Variants in PGM2L1 observed in about 807,000 individuals in gnomAD.
PGM2L1 encodes the protein phosphoglucomutase 2 like 1, also known as glucose 1,6-bisphosphate synthase.
A neutral mutation model predicts 73.4 loss-of-function variants in PGM2L1; 35 were observed. That is an observed-to-expected ratio of 0.48 (90% CI 0.36 to 0.63). PGM2L1 has a LOEUF of 0.63. Among genes scored for constraint, PGM2L1 ranks in the 30% least tolerant of loss-of-function variants. The pLI, the probability that PGM2L1 is intolerant of heterozygous loss-of-function variation, is 0.00. For synonymous variants in PGM2L1, 225 were observed against 253.8 expected, an observed-to-expected ratio of 0.89 and a Z score of 1.08; for missense variants, 570 against 742.0, an observed-to-expected ratio of 0.77 and a Z score of 2.69.
At chr11:74,357,825 G>A (rs1334297305) in intron 5 of PGM2L1, among the ~76,000 whole-genome samples, 1 of 152,172 alleles carries the variant, frequency 6.6e-6, no homozygotes, top group Non-Finnish European at 1.5e-5. Flanking sequence ...ACCTCCAGAC[G>A]ATGGAATATT....
At chr11:74,346,396 A>G (rs1400325427) in intron 8 of PGM2L1, among the ~76,000 whole-genome samples, 1 of 152,058 alleles carries the variant, frequency 6.6e-6, no homozygotes, top group Non-Finnish European at 1.5e-5. Context: ...AAAAATGTAT[A>G]AAGTCAGGGG....
chr11:74,374,315 C>T, intron 2 of PGM2L1, 100 bp downstream of exon 2: 1 of 1,006,430 alleles, frequency 9.9e-7, no homozygotes, highest in East Asian at 2.6e-5. Context: ...ATCTCTGGAC[C>T]TCGTGATCTG....
At chr11:74,355,459 C>G in intron 5 of PGM2L1, 1 of 384,670 alleles carries the variant, frequency 2.6e-6, no homozygotes, top group South Asian at 2.1e-5. Flanking sequence ...GAGGCTGAGG[C>G]AGGAGAATGG....
In PGM2L1 at chr11:74,359,850, T is replaced by C. The variant is rs529533240; in HGVS notation, c.556-8274A>G. ...CAGAGATGGGACAGATACTTTCTAC[T>C]GTTTCACTTTTTAACCTTGTGCTTA... On this transcript the variant is annotated intron_variant, in intron 5 of 13. Transcript: ENST00000298198. 2.6e-5 allele frequency among the ~76,000 whole-genome samples: 4 copies of C among 152,364 alleles called. No homozygotes were observed. The South Asian group carries it at 6.2e-4, about 24-fold the overall frequency.
Position 74,368,660 on chromosome 11 carries a change from G to C in PGM2L1, c.472-85C>G. On this transcript the variant is annotated intron_variant, in intron 4 of 13. Transcript: ENST00000298198. Reference sequence around the variant, plus strand: ...TGAGAATAATTTTGATTAAATAACAGGAAAAGCATTATAGTATGATATTGC... The same window carrying C: ...TGAGAATAATTTTGATTAAATAACACGAAAAGCATTATAGTATGATATTGC... The C allele has an allele frequency of 2.7e-6, 3 of 1,103,082 alleles. No individual in the cohort carries two copies. In the South Asian group the frequency reaches 4.0e-5, roughly 15 times the overall value. 68.3% of individuals were successfully genotyped at this position (1,103,082 alleles called of 1,614,324 possible). A position where few individuals can be genotyped will look rare whatever the true frequency, so the allele number is the denominator to read the frequency against.
At position 74,397,745 on chromosome 11, in the gene PGM2L1, A is replaced by ATTTTTTTTTTTTTTT. The variant is rs71065081; in HGVS notation, c.111+291_111+305dup. The ATTTTTTTTTTTTTTT allele has an allele frequency of 2.0e-5, 3 of 148,098 alleles. 1 individual carries two copies. Among genetic ancestry groups the ATTTTTTTTTTTTTTT allele is most frequent in the Non-Finnish European group, 2.7e-5 (2 of 72,988 alleles). 9.2% of individuals were successfully genotyped at this position (148,098 alleles called of 1,614,324 possible). A position where few individuals can be genotyped will look rare whatever the true frequency, so the allele number is the denominator to read the frequency against. ...TAGGGTATAACTTACAATGATGATG[A>ATTTTTTTTTTTTTTT]TTTTTTTTTTTTTTTTTTTGAAGAA... On this transcript the variant is annotated intron_variant, in intron 1 of 13. Coordinates refer to ENST00000298198, the MANE Select transcript of PGM2L1 (RefSeq NM_173582.6).
intron 1 of PGM2L1, among the ~76,000 whole-genome samples, chr11:74,390,033 G>A (rs372876007): frequency 0.011 from 1,609 of 147,668 alleles, 29 homozygotes; most frequent in African/African-American, 0.038. Context: ...GCAGGAGAAT[G>A]GCGTGAACCC....
rs1481787575 is a variant in PGM2L1, at chr11:74,398,379, T to C, written c.-218A>G. Reference sequence around the variant, plus strand: ...TGCTCCCCAGCGGACCAGGTCCGGGTCTCTGGGCGAAGTGACTGAGGCGGT... The same window carrying C: ...TGCTCCCCAGCGGACCAGGTCCGGGCCTCTGGGCGAAGTGACTGAGGCGGT... On this transcript the variant is annotated 5_prime_UTR_variant, in exon 1 of 14. Coordinates refer to ENST00000298198, the MANE Select transcript of PGM2L1 (RefSeq NM_173582.6). The C allele has an allele frequency of 3.2e-6, 2 of 625,704 alleles. No homozygotes were observed. The highest frequency in any genetic ancestry group is 3.9e-5 in the Admixed American group (1 of 25,472). 38.8% of individuals were successfully genotyped at this position (625,704 alleles called of 1,614,324 possible). A position where few individuals can be genotyped will look rare whatever the true frequency, so the allele number is the denominator to read the frequency against.
At position 74,333,230 on chromosome 11, in the gene PGM2L1, T is replaced by G. The variant is rs1043640290; in HGVS notation, c.*3422A>C. Reference sequence around the variant, plus strand: ...TTTTGAATAGAAGATATTATGAAGATTTCTCAAGAAGTTCCTAAATCTTAA... The same window carrying G: ...TTTTGAATAGAAGATATTATGAAGAGTTCTCAAGAAGTTCCTAAATCTTAA... On this transcript the variant is annotated 3_prime_UTR_variant, in exon 14 of 14. Coordinates refer to ENST00000298198, the MANE Select transcript of PGM2L1 (RefSeq NM_173582.6). 4 of 152,176 alleles carry G rather than the reference T, an allele frequency of 2.6e-5. No individual in the cohort carries two copies. The highest frequency in any genetic ancestry group is 2.9e-5 in the Non-Finnish European group (2 of 68,020). The allele number at this position is 152,176 out of a possible 1,614,324, so 9.4% of individuals were successfully genotyped here. A position where few individuals can be genotyped will look rare whatever the true frequency, so the allele number is the denominator to read the frequency against.
chr11:74,396,976 T>A (rs79392884), intron 1 of PGM2L1, among the ~76,000 whole-genome samples: 1,681 of 152,352 alleles, frequency 0.011, 35 homozygotes, highest in African/African-American at 0.039. Context: ...TCCTCACAAG[T>A]ATTTCCTGGG....
chr11:74,398,230 G>A lies in PGM2L1; in HGVS notation c.-69C>T. The A allele has an allele frequency of 6.5e-7, 1 of 1,537,236 alleles. No individual in the cohort carries two copies. Among genetic ancestry groups the A allele is most frequent in the Non-Finnish European group, 8.8e-7 (1 of 1,141,680 alleles). ...GAGTTGGGGTGGGGGGTGGCTTGGGGTTCGCTCACCAGGGTCCAGGCGTCC... is the reference window on the plus strand; with the variant it reads ...GAGTTGGGGTGGGGGGTGGCTTGGGATTCGCTCACCAGGGTCCAGGCGTCC... On this transcript the variant is annotated 5_prime_UTR_variant, in exon 1 of 14. Coordinates refer to ENST00000298198, the MANE Select transcript of PGM2L1 (RefSeq NM_173582.6).
intron 8 of PGM2L1, 120 bp downstream of exon 8, chr11:74,346,612 G>T: frequency 1.4e-6 from 1 of 726,456 alleles, no homozygotes; most frequent in Non-Finnish European, 2.2e-6. Context: ...TGGGATAATG[G>T]ATTTACAGGA....
chr11:74,362,699 A>G (rs953593424), intron 5 of PGM2L1, among the ~76,000 whole-genome samples: 3 of 152,210 alleles, frequency 2.0e-5, no homozygotes, highest in Admixed American at 2.0e-4. Flanking sequence ...ATGGAGGAAG[A>G]TCTACCAAGC....
chr11:74,346,726 A>G lies in PGM2L1; in HGVS notation c.1037+6T>C. On this transcript the variant is annotated splice_donor_region_variant and intron_variant, in intron 8 of 13. Coordinates refer to ENST00000298198, the MANE Select transcript of PGM2L1 (RefSeq NM_173582.6). ...AGCTTTTAATCAAATAACAGATTCT[A>G]CATACTTCTCCTGAAGTTCTGCTGC... is the stretch of plus-strand genomic sequence containing the variant. The G allele has an allele frequency of 6.2e-7, 1 of 1,606,504 alleles. No homozygotes were observed. Among genetic ancestry groups the G allele is most frequent in the Non-Finnish European group, 8.5e-7 (1 of 1,173,088 alleles).
chr11:74,384,157 A>G (rs1006780156), intron 1 of PGM2L1, among the ~76,000 whole-genome samples: 10 of 151,142 alleles, frequency 6.6e-5, no homozygotes, highest in African/African-American at 2.4e-4. Context: ...TTGTCATTCC[A>G]TGCTTTGTTC....
In PGM2L1 at chr11:74,392,627, C is replaced by T. The variant is rs949397232; in HGVS notation, c.111+5424G>A. Among the ~76,000 whole-genome samples, 11 of 151,996 alleles carry T rather than the reference C, an allele frequency of 7.2e-5. No individual in the cohort carries two copies. In the South Asian group the frequency reaches 8.3e-4, roughly 11 times the overall value. On this transcript the variant is annotated intron_variant, in intron 1 of 13. Transcript: ENST00000298198. ...GCGATGTCGGCTCCCCTGCAAGCTC[C>T]GCCTCCCGGATTCACGCCATTCTCC...
chr11:74,357,560 T>G (rs1862478553), intron 5 of PGM2L1, among the ~76,000 whole-genome samples: 1 of 152,208 alleles, frequency 6.6e-6, no homozygotes, highest in African/African-American at 2.4e-5. Flanking sequence ...CAACAGGAGC[T>G]CTCATTTATT....
chr11:74,370,299 T>TA (rs542242975), intron 4 of PGM2L1, among the ~76,000 whole-genome samples: 13 of 152,202 alleles, frequency 8.5e-5, no homozygotes, highest in Non-Finnish European at 1.6e-4. Context: ...CAGCTGTCTT[T>TA]ATAGCCCCCA....
intron 1 of PGM2L1, among the ~76,000 whole-genome samples, chr11:74,384,135 C>T (rs1862988444): frequency 6.6e-6 from 1 of 151,926 alleles, no homozygotes; most frequent in South Asian, 2.1e-4. Context: ...CCCCCACTCC[C>T]CCCGCATCCT....
Sources: gnomAD v4.1 joint callset for allele counts (sites outside exome capture counted in the v4.1 genomes callset) on GRCh38, gnomAD v4.1.1 for gene constraint, MANE v1.5 for transcripts, NCBI Gene and HGNC (gene_info 2026-07-23, HGNC 2026-07-21) for gene names.